Variants in OS9 observed in about 807,000 individuals in gnomAD.
The protein encoded by OS9 is OS9 endoplasmic reticulum lectin.
In OS9, 58 loss-of-function variants were observed where a neutral mutation model predicts 84.7. The ratio of observed to expected loss-of-function variants is 0.68; its 90% CI spans 0.55 to 0.85. The LOEUF (loss-of-function observed/expected upper bound fraction) is 0.85, where lower values mean the gene tolerates loss of function less well. Among genes scored for constraint, OS9 ranks in the 40% least tolerant of loss-of-function variants. The pLI is 0.00. For synonymous variants in OS9, 278 were observed against 320.8 expected (o/e 0.87, Z 1.43); for missense variants, 760 against 850.9 (o/e 0.89, Z 1.33).
chr12:57,713,009 T>C (rs1347756048), intron 5 of OS9, among the ~76,000 whole-genome samples: 1 of 152,162 alleles, frequency 6.6e-6, no homozygotes, highest in Non-Finnish European at 1.5e-5. Flanking sequence ...TTTAGTCCAG[T>C]TAATTGTGGG....
At position 57,695,433 on chromosome 12, in the gene OS9, A is replaced by C. The variant is rs1343578083; in HGVS notation, c.340-347A>C. ...CCAGGAATGTTCAAGAAGTTCAATT[A>C]ATATTTAATTTTGGGTTCTTCTATG... On this transcript the variant is annotated intron_variant, in intron 2 of 14. Transcript: ENST00000315970. The C allele has an allele frequency of 1.0e-5, 5 of 480,964 alleles. No homozygotes were observed. The Admixed American group carries it at 1.5e-4, about 14-fold the overall frequency. 29.8% of individuals were successfully genotyped at this position (480,964 alleles called of 1,614,324 possible). A position where few individuals can be genotyped will look rare whatever the true frequency, so the allele number is the denominator to read the frequency against.
intron 10 of OS9, 79 bp downstream of exon 10, chr12:57,718,037 C>T (rs1040090772): frequency 4.7e-5 from 72 of 1,520,816 alleles, no homozygotes; most frequent in Non-Finnish European, 6.4e-5. Flanking sequence ...ACCTGGGACT[C>T]AACTCCTGGG....
chr12:57,716,014 CA>C, intron 6 of OS9, 44 bp downstream of exon 6: 1 of 1,597,986 alleles, frequency 6.3e-7, no homozygotes, highest in Non-Finnish European at 8.6e-7. Flanking sequence ...GATACGGGGG[CA>C]GGGGGTGGCA....
At chr12:57,704,576 A>G (rs1367854521) in intron 5 of OS9, among the ~76,000 whole-genome samples, 1 of 151,992 alleles carries the variant, frequency 6.6e-6, no homozygotes, top group Non-Finnish European at 1.5e-5. Context: ...TTCTTGTAGT[A>G]TTTTGTAGTA....
At chr12:57,720,655 C>A in intron 14 of OS9, 129 bp from the exon 15 acceptor site, 1 of 1,313,796 alleles carries the variant, frequency 7.6e-7, no homozygotes, top group Non-Finnish European at 1.1e-6. Context: ...GCTCAGAGTG[C>A]TGCCATGCAG....
intron 5 of OS9, among the ~76,000 whole-genome samples, chr12:57,697,924 T>TACACACAC (rs61407014): frequency 0.013 from 1,154 of 91,530 alleles, 15 homozygotes; most frequent in Middle Eastern, 0.045. Flanking sequence ...CACACACACA[T>TACACACAC]ACACACACAC....
At chr12:57,718,020 T>A (rs771517063) in intron 10 of OS9, 62 bp downstream of exon 10, 38 of 1,538,764 alleles carry the variant, frequency 2.5e-5, no homozygotes, top group Non-Finnish European at 3.4e-5. Context: ...TTTGAAAAAC[T>A]ACCCTGACCT....
chr12:57,699,541 C>T (rs1953959862), intron 5 of OS9, among the ~76,000 whole-genome samples: 1 of 152,146 alleles, frequency 6.6e-6, no homozygotes, highest in Admixed American at 6.5e-5. Flanking sequence ...TTGGCTGTGC[C>T]TGAACCTTCA....
At chr12:57,697,946 C>CACACACAA (rs1469409556) in intron 5 of OS9, among the ~76,000 whole-genome samples, 1 of 150,086 alleles carries the variant, frequency 6.7e-6, no homozygotes, top group African/African-American at 2.4e-5. Flanking sequence ...CACACACACA[C>CACACACAA]ACACACACAC....
intron 2 of OS9, 108 bp from the exon 3 acceptor site, chr12:57,695,672 G>T: frequency 2.6e-6 from 2 of 779,004 alleles, no homozygotes; most frequent in African/African-American, 1.7e-5. Flanking sequence ...GAAGAGAATT[G>T]AGTGTGTAAG....
In OS9 at chr12:57,695,697, T is replaced by A. The variant is rs1347532252; in HGVS notation, c.340-83T>A. The A allele has an allele frequency of 2.0e-5, 17 of 843,732 alleles. No individual in the cohort carries two copies. The East Asian group carries it at 4.1e-4, about 20-fold the overall frequency. 52.3% of individuals were successfully genotyped at this position (843,732 alleles called of 1,614,324 possible). A position where few individuals can be genotyped will look rare whatever the true frequency, so the allele number is the denominator to read the frequency against. ...GAGTGTGTAAGTAGATGAGAGGTTA[T>A]GTGTCTTGGAGCCAGGAGACTCTGG... On this transcript the variant is annotated intron_variant, in intron 2 of 14. Coordinates refer to ENST00000315970, the MANE Select transcript of OS9 (RefSeq NM_006812.4).
At chr12:57,695,018 A>C in intron 2 of OS9, 92 bp downstream of exon 2, 1 of 1,173,270 alleles carries the variant, frequency 8.5e-7, no homozygotes, top group Non-Finnish European at 1.3e-6. Flanking sequence ...GATCTAGGGG[A>C]CCTGTAGTGG....
Position 57,715,924 on chromosome 12 carries a change from T to C in OS9, c.744T>C (p.Pro248=). ...SAAPQAILCH[P]SLQPEEYMAY... ...CACCGCAGGCCATCCTCTGTCACCC[T>C]TCCCTACAGCCTGAGGAGTACATGG... is the stretch of plus-strand genomic sequence containing the variant. Residue 248 remains proline, a synonymous_variant, in exon 6 of 15, where the codon CCT becomes CCC. Coordinates refer to ENST00000315970, the MANE Select transcript of OS9 (RefSeq NM_006812.4). 6.2e-7 allele frequency: 1 copy of C among 1,613,046 alleles called. No individual in the cohort carries two copies. The highest frequency in any genetic ancestry group is 8.5e-7 in the Non-Finnish European group (1 of 1,179,494).
chr12:57,718,823 C>T (rs554846254), intron 11 of OS9, among the ~76,000 whole-genome samples, 170 bp from the exon 12 acceptor site: 5 of 151,340 alleles, frequency 3.3e-5, no homozygotes, highest in South Asian at 4.2e-4. Flanking sequence ...GAGAATCGCT[C>T]GAACCCGGGA....
At chr12:57,702,102 T>A (rs1482669775) in intron 5 of OS9, among the ~76,000 whole-genome samples, 1 of 152,242 alleles carries the variant, frequency 6.6e-6, no homozygotes, top group African/African-American at 2.4e-5. Context: ...GCCCTCAATT[T>A]TTTTAATGAT....
chr12:57,720,960 G>A lies in OS9; in HGVS notation c.*51G>A, dbSNP rs759110580. 6.2e-7 allele frequency: 1 copy of A among 1,607,992 alleles called. No homozygotes were observed. The highest frequency in any genetic ancestry group is 8.5e-7 in the Non-Finnish European group (1 of 1,175,460). On this transcript the variant is annotated 3_prime_UTR_variant, in exon 15 of 15. Coordinates refer to ENST00000315970, the MANE Select transcript of OS9 (RefSeq NM_006812.4). ...CGGAATCCAGACTCTTCCTGGACTG[G>A]CTTGCCTCCTCCCCACCTCCCCACC...
At chr12:57,710,365 G>T (rs1366453434) in intron 5 of OS9, among the ~76,000 whole-genome samples, 3 of 151,984 alleles carry the variant, frequency 2.0e-5, no homozygotes, top group African/African-American at 7.3e-5. Context: ...TTCCTCATGG[G>T]TTATTTTTGC....
chr12:57,716,806 G>A (rs1391277336), intron 9 of OS9, 62 bp downstream of exon 9: 4 of 1,470,932 alleles, frequency 2.7e-6, no homozygotes, highest in Non-Finnish European at 3.8e-6. Context: ...GGGTAGGGAT[G>A]GAGGGGAGAG....
intron 5 of OS9, among the ~76,000 whole-genome samples, chr12:57,705,119 G>A (rs935510559): frequency 6.6e-6 from 1 of 152,068 alleles, no homozygotes; most frequent in Non-Finnish European, 1.5e-5. Flanking sequence ...CTATTCCTAT[G>A]TCATTACCAC....
Sources: gnomAD v4.1 joint callset for allele counts (sites outside exome capture counted in the v4.1 genomes callset) on GRCh38, gnomAD v4.1.1 for gene constraint, MANE v1.5 for transcripts, NCBI Gene and HGNC (gene_info 2026-07-23, HGNC 2026-07-21) for gene names.